Variants in DMD observed in about 807,000 individuals in gnomAD.
DMD encodes dystrophin, also known as mutant dystrophin.
DMD carries 63 observed loss-of-function variants against 330.1 expected under a neutral mutation model. The observed-to-expected ratio is 0.19, with a 90% CI of 0.16 to 0.24. DMD has a LOEUF of 0.24. Ranked by LOEUF, DMD falls within the 10% of genes least tolerant of loss-of-function variation. The pLI is 1.00. For synonymous variants in DMD, 1,223 were observed against 959.8 expected, an observed-to-expected ratio of 1.27 and a Z score of -5.07; for missense variants, 3,344 against 2,684.1, an observed-to-expected ratio of 1.25 and a Z score of -5.43.
At chrX:31,800,104 T>G (rs1459572632) in intron 50 of DMD, among the ~76,000 whole-genome samples, 1 of 112,468 alleles carries the variant, frequency 8.9e-6, no homozygotes, top group Non-Finnish European at 1.9e-5. Flanking sequence ...TTTCTGACTA[T>G]TCTGGGGTTT....
chrX:33,130,006 G>A (rs2095489807), intron 1 of DMD, among the ~76,000 whole-genome samples: 1 of 111,921 alleles, frequency 8.9e-6, no homozygotes, highest in African/African-American at 3.2e-5. Context: ...TTCCGAACAA[G>A]TAAGTTCCAT....
chrX:31,229,334 C>T (rs1348935074), intron 63 of DMD, among the ~76,000 whole-genome samples: 1 of 111,844 alleles, frequency 8.9e-6, no homozygotes, highest in Admixed American at 9.5e-5. Context: ...TGCAAAAATC[C>T]TACTATCTCT....
chrX:31,362,347 C>T (rs1318554971), intron 60 of DMD, among the ~76,000 whole-genome samples: 1 of 111,984 alleles, frequency 8.9e-6, no homozygotes, highest in Non-Finnish European at 1.9e-5. Context: ...CACACCTGAC[C>T]TCATGTGACA....
At chrX:33,298,301 A>G (rs1316888774) in intron 1 of DMD, among the ~76,000 whole-genome samples, 2 of 111,626 alleles carry the variant, frequency 1.8e-5, no homozygotes, top group Non-Finnish European at 3.8e-5. Flanking sequence ...ACATATCTCA[A>G]TTCTTACTCA....
At chrX:32,597,889 A>G (rs2055747956) in intron 12 of DMD, among the ~76,000 whole-genome samples, 1 of 112,064 alleles carries the variant, frequency 8.9e-6, no homozygotes, top group African/African-American at 3.2e-5. Context: ...GTTTCTTAGA[A>G]CATTTTGTTA....
rs189704521 is a variant in DMD, at chrX:31,809,370, G to T, written c.7309+10605C>A. ...ATTTAGTTCCTGGTTTTTAATATTG[G>T]AGAACAATTATGAGTTTTTTTGAAG... On this transcript the variant is annotated intron_variant, in intron 50 of 78. Coordinates refer to ENST00000357033, the MANE Select transcript of DMD (RefSeq NM_004006.3). Among the ~76,000 whole-genome samples the T allele has an allele frequency of 6.6e-3, 717 of 108,294 alleles. 7 individuals carry two copies. The highest frequency in any genetic ancestry group is 0.023 in the African/African-American group (678 of 30,031). The allele number at this position is 108,294 out of a possible 115,157, so 94.0% of individuals were successfully genotyped here.
At chrX:32,277,830 T>C (rs958286394) in intron 43 of DMD, among the ~76,000 whole-genome samples, 2 of 108,850 alleles carry the variant, frequency 1.8e-5, no homozygotes, top group African/African-American at 3.3e-5. Flanking sequence ...AAGAGAGAAA[T>C]TTACAGCTGT....
At chrX:32,311,331 A>G (rs761490909) in intron 41 of DMD, among the ~76,000 whole-genome samples, 18 of 110,736 alleles carry the variant, frequency 1.6e-4, no homozygotes, top group Non-Finnish European at 2.8e-4. Flanking sequence ...CACCATACTT[A>G]TTTTTGCAGT....
At chrX:32,741,156 G>T (rs753189370) in intron 7 of DMD, among the ~76,000 whole-genome samples, 29 of 111,515 alleles carry the variant, frequency 2.6e-4, no homozygotes, top group African/African-American at 8.1e-4. Context: ...AATAACGCAA[G>T]AAAAATCTGA....
At chrX:32,227,656 A>G (rs1473679536) in intron 43 of DMD, among the ~76,000 whole-genome samples, 1 of 109,835 alleles carries the variant, frequency 9.1e-6, no homozygotes, top group Non-Finnish European at 1.9e-5. Context: ...AGACTTCGCC[A>G]CTCTGCAATA....
At chrX:33,051,177 A>G (rs1192977598) in intron 1 of DMD, among the ~76,000 whole-genome samples, 2 of 107,790 alleles carry the variant, frequency 1.9e-5, no homozygotes, top group Non-Finnish European at 3.8e-5. Context: ...TTTTTAGCAG[A>G]TATCTTTGGA....
In DMD at chrX:32,959,655, G is replaced by A. The variant is rs1174790214; in HGVS notation, c.93+60484C>T. 4.5e-5 allele frequency among the ~76,000 whole-genome samples: 5 copies of A among 111,017 alleles called. No individual in the cohort carries two copies. The Admixed American group carries it at 4.8e-4, about 11-fold the overall frequency. Reference sequence around the variant, plus strand: ...CTTACTGGGACTCCTACAACCTACTGATTCTACTGGGACAACCTACAAGGT... The same window carrying A: ...CTTACTGGGACTCCTACAACCTACTAATTCTACTGGGACAACCTACAAGGT... On this transcript the variant is annotated intron_variant, in intron 2 of 78. Coordinates refer to ENST00000357033, the MANE Select transcript of DMD (RefSeq NM_004006.3).
chrX:31,136,943 A>G (rs1355435827), intron 76 of DMD, among the ~76,000 whole-genome samples: 2 of 112,369 alleles, frequency 1.8e-5, no homozygotes, highest in East Asian at 5.5e-4. Flanking sequence ...AAAAACAAGT[A>G]GAGTATAATC....
intron 1 of DMD, among the ~76,000 whole-genome samples, chrX:33,118,479 T>C (rs1322353153): frequency 8.9e-6 from 1 of 112,000 alleles, no homozygotes; most frequent in African/African-American, 3.2e-5. Context: ...TTAATAATCC[T>C]GCCTGCAGTG....
chrX:32,335,888 A>G (rs893969940), intron 41 of DMD, among the ~76,000 whole-genome samples: 8 of 105,838 alleles, frequency 7.6e-5, no homozygotes, highest in African/African-American at 2.8e-4. Flanking sequence ...CATGTTATAT[A>G]TAACATGTTA....
intron 7 of DMD, among the ~76,000 whole-genome samples, chrX:32,731,596 GCCTGACC>G (rs1302770984): frequency 2.7e-5 from 3 of 112,268 alleles, no homozygotes; most frequent in Non-Finnish European, 5.6e-5. Flanking sequence ...TCAAGTGGGT[GCCTGACC>G]CCTGACCCCC....
At chrX:33,111,970 C>T (rs1169173725) in intron 1 of DMD, among the ~76,000 whole-genome samples, 1 of 111,012 alleles carries the variant, frequency 9.0e-6, no homozygotes, top group African/African-American at 3.3e-5. Context: ...CAAAAAGCAA[C>T]TACATGAAAT....
At chrX:32,545,931 T>C (rs1268663288) in intron 16 of DMD, among the ~76,000 whole-genome samples, 1 of 110,094 alleles carries the variant, frequency 9.1e-6, no homozygotes, top group Non-Finnish European at 1.9e-5. Flanking sequence ...TTATGTTGAA[T>C]GTTATTCAAA....
At chrX:32,987,015 T>C (rs1266463432) in intron 2 of DMD, among the ~76,000 whole-genome samples, 5 of 112,452 alleles carry the variant, frequency 4.4e-5, no homozygotes, top group African/African-American at 1.6e-4. Flanking sequence ...AGAAACAGAA[T>C]AGACAAAGTT....
Sources: gnomAD v4.1 joint callset for allele counts (sites outside exome capture counted in the v4.1 genomes callset) on GRCh38, gnomAD v4.1.1 for gene constraint, MANE v1.5 for transcripts, NCBI Gene and HGNC (gene_info 2026-07-23, HGNC 2026-07-21) for gene names.